The following BCKDHA variants were observed in gnomAD, a reference collection of about 807,000 sequenced individuals.
The protein encoded by BCKDHA is 2-oxoisovalerate dehydrogenase subunit alpha, mitochondrial.
BCKDHA carries 43 observed loss-of-function variants against 52.2 expected under a neutral mutation model. The observed-to-expected ratio is 0.82, with a 90% CI of 0.64 to 1.06. BCKDHA has a LOEUF of 1.06. BCKDHA is among the 50% of genes least tolerant of loss of function. BCKDHA has a pLI of 0.00. For synonymous variants in BCKDHA, 234 were observed against 247.9 expected, an observed-to-expected ratio of 0.94 and a Z score of 0.53; for missense variants, 527 against 621.3, an observed-to-expected ratio of 0.85 and a Z score of 1.61.
At chr19:41,402,003 T>C (rs1370753185) in intron 1 of BCKDHA, among the ~76,000 whole-genome samples, 1 of 152,104 alleles carries the variant, frequency 6.6e-6, no homozygotes, top group Non-Finnish European at 1.5e-5. Flanking sequence ...GACTCACAGT[T>C]CCACATGGCT....
intron 5 of BCKDHA, among the ~76,000 whole-genome samples, chr19:41,420,881 C>G (rs982394781): frequency 2.0e-5 from 3 of 152,224 alleles, no homozygotes; most frequent in South Asian, 4.1e-4. Flanking sequence ...GGAGCCCCTT[C>G]CTGTCCTCCG....
At chr19:41,414,187 TC>T (rs746616664) in intron 4 of BCKDHA, 30 bp downstream of exon 4, 62 of 1,595,138 alleles carry the variant, frequency 3.9e-5, no homozygotes, top group Non-Finnish European at 5.2e-5. Flanking sequence ...GGCCCTGTGG[TC>T]CCCATTGAAG....
At chr19:41,400,354 C>T (rs1400951165) in intron 1 of BCKDHA, 2 of 152,294 alleles carry the variant, frequency 1.3e-5, no homozygotes, top group East Asian at 1.9e-4. Flanking sequence ...ATTCTCCTGC[C>T]TCAGCCTCCC....
chr19:41,418,476 T>C (rs1478643406), intron 4 of BCKDHA, among the ~76,000 whole-genome samples: 1 of 152,208 alleles, frequency 6.6e-6, no homozygotes, highest in African/African-American at 2.4e-5. Flanking sequence ...TTAGAGTACT[T>C]CTGTAGTCCA....
At chr19:41,420,285 T>C (rs952543902) in intron 5 of BCKDHA, among the ~76,000 whole-genome samples, 1 of 152,186 alleles carries the variant, frequency 6.6e-6, no homozygotes, top group Admixed American at 6.5e-5. Flanking sequence ...AGGACCCTCA[T>C]TGTGGCCATG....
Position 41,422,818 on chromosome 19 carries a change from C to T in BCKDHA, c.995+48C>T, listed in dbSNP as rs570216625. Reference sequence around the variant, plus strand: ...GCACCCCCACAGCACTGACAGCCACCGTAGCATCTTCCTCATATCGATCAC... The same window carrying T: ...GCACCCCCACAGCACTGACAGCCACTGTAGCATCTTCCTCATATCGATCAC... On this transcript the variant is annotated intron_variant, in intron 7 of 8. Coordinates refer to ENST00000269980, the MANE Select transcript of BCKDHA (RefSeq NM_000709.4). 2.5e-4 allele frequency: 408 copies of T among 1,611,256 alleles called. 5 individuals are homozygous for T. The South Asian group carries it at 3.9e-3, about 15-fold the overall frequency.
At chr19:41,413,927 G>T in intron 3 of BCKDHA, 122 bp from the exon 4 acceptor site, 1 of 845,338 alleles carries the variant, frequency 1.2e-6, no homozygotes, top group Admixed American at 1.8e-5. Context: ...CCTGGCCCAG[G>T]ACTGGCCTTC....
At chr19:41,398,828 A>C (rs1351279783) in intron 1 of BCKDHA, among the ~76,000 whole-genome samples, 1 of 83,722 alleles carries the variant, frequency 1.2e-5, no homozygotes, top group African/African-American at 7.6e-5. Flanking sequence ...CCACTTGTGT[A>C]GCCTTGGCCA....
chr19:41,421,818 G>A (rs1391136084), intron 5 of BCKDHA, among the ~76,000 whole-genome samples: 3 of 152,136 alleles, frequency 2.0e-5, no homozygotes, highest in African/African-American at 7.2e-5. Flanking sequence ...TAGTAAGGAG[G>A]CTGCTCAGTA....
chr19:41,423,075 A>G lies in BCKDHA; in HGVS notation c.1073A>G (p.Asp358Gly), dbSNP rs955420750. ...VDEVNYWDKQ[D>G]HPISRLRHYL... is the part of the protein sequence containing the mutation. ...GAGGTCAATTACTGGGATAAACAGG[A>G]CCACCCCATCTCCCGGCTGCGGCAC... The change falls in exon 8 of 9, where the codon GAC (aspartate) becomes GGC (glycine). Residue 358 changes from aspartate (D) to glycine (G), a missense_variant. Asp to Gly is a moderately conservative substitution (Grantham distance 94, BLOSUM62 -1). Coordinates refer to ENST00000269980, the MANE Select transcript of BCKDHA (RefSeq NM_000709.4). 4 of 1,589,470 alleles carry G rather than the reference A, an allele frequency of 2.5e-6. No individual in the cohort carries two copies. The highest frequency in any genetic ancestry group is 3.4e-6 in the Non-Finnish European group (4 of 1,167,930).
At chr19:41,415,946 C>CTTT (rs34933875) in intron 4 of BCKDHA, among the ~76,000 whole-genome samples, 3 of 137,206 alleles carry the variant, frequency 2.2e-5, no homozygotes, top group African/African-American at 8.3e-5. Context: ...CATGCCTGGC[C>CTTT]TTTTTTTTTT....
intron 8 of BCKDHA, 32 bp from the exon 9 acceptor site, chr19:41,424,406 G>A: frequency 6.2e-7 from 1 of 1,612,926 alleles, no homozygotes; most frequent in Non-Finnish European, 8.5e-7. Flanking sequence ...TGGGAGGCCG[G>A]CTAGCCTGCC....
At chr19:41,419,672 C>G (rs1380335483) in intron 5 of BCKDHA, among the ~76,000 whole-genome samples, 1 of 148,070 alleles carries the variant, frequency 6.8e-6, no homozygotes, top group Non-Finnish European at 1.5e-5. Flanking sequence ...AAACTCCCGG[C>G]CTCAGGTGAT....
Position 41,424,813 on chromosome 19 carries a change from GAGGC to G in BCKDHA, c.*206_*209del. On this transcript the variant is annotated 3_prime_UTR_variant, in exon 9 of 9. Coordinates refer to ENST00000269980, the MANE Select transcript of BCKDHA (RefSeq NM_000709.4). Reference sequence around the variant, plus strand: ...GGGGACAGCATCTGCAGCAGTTGCTGAGGCTCCGTCAGCCCCCTCTTCACCTGTT... The same window carrying G: ...GGGGACAGCATCTGCAGCAGTTGCTGTCCGTCAGCCCCCTCTTCACCTGTT... The G allele has an allele frequency of 1.7e-6, 1 of 584,788 alleles. No homozygotes were observed. Among genetic ancestry groups the G allele is most frequent in the Non-Finnish European group, 2.9e-6 (1 of 343,388 alleles). The allele number at this position is 584,788 out of a possible 1,614,324, so 36.2% of individuals were successfully genotyped here.
At chr19:41,420,116 G>A (rs529634998) in intron 5 of BCKDHA, among the ~76,000 whole-genome samples, 3 of 152,198 alleles carry the variant, frequency 2.0e-5, no homozygotes, top group African/African-American at 7.2e-5. Context: ...TTCAGAAGAG[G>A]GCTCTGTTGC....
At chr19:41,406,250 C>T (rs1363410065) in intron 1 of BCKDHA, among the ~76,000 whole-genome samples, 1 of 152,156 alleles carries the variant, frequency 6.6e-6, no homozygotes, top group Admixed American at 6.6e-5. Context: ...GGCTGACAGT[C>T]CTGCCCTGAC....
At chr19:41,400,652 G>A (rs1029043998) in intron 1 of BCKDHA, among the ~76,000 whole-genome samples, 2 of 152,138 alleles carry the variant, frequency 1.3e-5, no homozygotes, top group Admixed American at 1.3e-4. Context: ...CCAAAGTGCA[G>A]GATGACAAGC....
At chr19:41,411,100 CAG>C in intron 3 of BCKDHA, 91 bp downstream of exon 3, 2 of 1,410,488 alleles carry the variant, frequency 1.4e-6, no homozygotes, top group Non-Finnish European at 2.0e-6. Flanking sequence ...CCAAGGAGGA[CAG>C]ATTCTTTTTT....
intron 3 of BCKDHA, among the ~76,000 whole-genome samples, chr19:41,412,827 C>G (rs1017695071): frequency 1.3e-5 from 2 of 152,130 alleles, no homozygotes; most frequent in Non-Finnish European, 2.9e-5. Context: ...CCTTAGCCCC[C>G]CAAGTAGCTG....
Sources: allele counts gnomAD v4.1 joint callset (sites outside exome capture counted in the v4.1 genomes callset), GRCh38; gene constraint gnomAD v4.1.1; transcripts MANE v1.5; gene names NCBI Gene and HGNC (gene_info 2026-07-23, HGNC 2026-07-21).